SAMSN1: variants seen among roughly 807,000 people sequenced by gnomAD.
SAMSN1 encodes SAM domain, SH3 domain and nuclear localization signals 1.
In SAMSN1, 31 loss-of-function variants were observed where a neutral mutation model predicts 42.0. The observed-to-expected ratio is 0.74, with a 90% confidence interval of 0.55 to 1.00. SAMSN1 has a LOEUF of 1.00. Among genes scored for constraint, SAMSN1 ranks in the 50% least tolerant of loss-of-function variants. The pLI is 0.00. For missense variants in SAMSN1, 464 were observed against 439.4 expected (o/e 1.06, Z -0.50); for synonymous variants, 178 against 151.9 (o/e 1.17, Z -1.26).
intron 1 of SAMSN1, among the ~76,000 whole-genome samples, chr21:14,525,132 G>T (rs1978759738): frequency 6.6e-6 from 1 of 152,100 alleles, no homozygotes; most frequent in African/African-American, 2.4e-5. Flanking sequence ...TTACCATTTT[G>T]CAAACCCCTA....
At chr21:14,579,504 C>T (rs1392167712) in intron 2 of SAMSN1, among the ~76,000 whole-genome samples, 2 of 152,084 alleles carry the variant, frequency 1.3e-5, no homozygotes, top group Non-Finnish European at 2.9e-5. Context: ...GCTAGAAAAA[C>T]AAGAAGAAAT....
intron 2 of SAMSN1, among the ~76,000 whole-genome samples, chr21:14,626,284 C>G (rs953414801): frequency 2.0e-5 from 3 of 152,170 alleles, no homozygotes; most frequent in African/African-American, 4.8e-5. Context: ...CAACTGGGAT[C>G]TAATTAAACT....
At chr21:14,639,599 A>G (rs1419211551) in intron 2 of SAMSN1, among the ~76,000 whole-genome samples, 1 of 152,188 alleles carries the variant, frequency 6.6e-6, no homozygotes, top group Non-Finnish European at 1.5e-5. Context: ...TAGGAGAGAC[A>G]TCCAAACCAT....
At chr21:14,496,925 A>G (rs1986935726) in intron 7 of SAMSN1, among the ~76,000 whole-genome samples, 1 of 152,208 alleles carries the variant, frequency 6.6e-6, no homozygotes, top group African/African-American at 2.4e-5. Context: ...GCCAGTGTAT[A>G]GGAAACGTGT....
At chr21:14,610,087 C>A (rs1319354163) in intron 4 of SAMSN1, among the ~76,000 whole-genome samples, 1 of 152,130 alleles carries the variant, frequency 6.6e-6, no homozygotes, top group Non-Finnish European at 1.5e-5. Flanking sequence ...AGGATAACAG[C>A]AATTTTCTGG....
At chr21:14,607,151 G>A (rs962162882) in intron 5 of SAMSN1, among the ~76,000 whole-genome samples, 3 of 152,034 alleles carry the variant, frequency 2.0e-5, no homozygotes, top group Admixed American at 1.3e-4. Flanking sequence ...ATAAAATCAT[G>A]TGGGTTGTGG....
intron 6 of SAMSN1, among the ~76,000 whole-genome samples, chr21:14,601,486 G>A (rs2123299463): frequency 6.6e-6 from 1 of 152,312 alleles, no homozygotes; most frequent in African/African-American, 2.4e-5. Flanking sequence ...ATGGCTGTCA[G>A]AGAAAATATC....
chr21:14,540,256 C>T (rs937971370), intron 1 of SAMSN1, among the ~76,000 whole-genome samples: 2 of 152,066 alleles, frequency 1.3e-5, no homozygotes, highest in African/African-American at 4.8e-5. Context: ...TCTAAAACAC[C>T]AAAAGCAATG....
chr21:14,565,693 GTGACTGCGGA>G (rs781410321), intron 2 of SAMSN1, among the ~76,000 whole-genome samples: 305 of 152,276 alleles, frequency 2.0e-3, no homozygotes, highest in Non-Finnish European at 3.1e-3. Context: ...AGAGAGTAGT[GTGACTGCGGA>G]TGTCATCGAT....
At chr21:14,595,266 G>A (rs559714753) in intron 6 of SAMSN1, among the ~76,000 whole-genome samples, 16 of 152,166 alleles carry the variant, frequency 1.1e-4, no homozygotes, top group South Asian at 8.3e-4. Context: ...GGGCTTTTGC[G>A]GAAGTAACTA....
intron 1 of SAMSN1, among the ~76,000 whole-genome samples, chr21:14,530,853 G>T (rs1009246303): frequency 1.3e-4 from 20 of 152,178 alleles, no homozygotes; most frequent in Non-Finnish European, 2.1e-4. Flanking sequence ...TGTTATCTAG[G>T]TACCTTGATA....
intron 4 of SAMSN1, among the ~76,000 whole-genome samples, chr21:14,512,051 G>C: frequency 6.6e-6 from 1 of 152,132 alleles, no homozygotes; most frequent in East Asian, 1.9e-4. Flanking sequence ...GAGAAAGAAA[G>C]AGACAGAGAA....
At chr21:14,577,351 G>A (rs1426397432) in intron 2 of SAMSN1, among the ~76,000 whole-genome samples, 4 of 140,278 alleles carry the variant, frequency 2.9e-5, no homozygotes, top group Non-Finnish European at 4.6e-5. Context: ...CTGACCTCAT[G>A]ATCCGCCTGC....
At chr21:14,649,909 T>C in intron 1 of SAMSN1, among the ~76,000 whole-genome samples, 1 of 151,754 alleles carries the variant, frequency 6.6e-6, no homozygotes, top group East Asian at 1.9e-4. Context: ...TCAGATAAAA[T>C]AGATTTCAAC....
At chr21:14,610,782 C>A (rs138726472) in intron 4 of SAMSN1, among the ~76,000 whole-genome samples, 52 of 152,344 alleles carry the variant, frequency 3.4e-4, no homozygotes, top group Admixed American at 9.2e-4. Flanking sequence ...CCTTCATGGA[C>A]AACAACAGGT....
intron 6 of SAMSN1, 104 bp from the exon 7 acceptor site, chr21:14,498,696 G>A (rs1014530591): frequency 4.7e-6 from 4 of 845,620 alleles, no homozygotes; most frequent in Non-Finnish European, 6.9e-6. Context: ...GGGACCAAAG[G>A]TGCCAATAGA....
intron 1 of SAMSN1, among the ~76,000 whole-genome samples, chr21:14,649,370 A>T (rs1983785063): frequency 6.6e-6 from 1 of 152,046 alleles, no homozygotes; most frequent in Admixed American, 6.5e-5. Context: ...ACATGTATAC[A>T]TATGTAACTA....
At chr21:14,602,785 C>T (rs764725589) in intron 5 of SAMSN1, among the ~76,000 whole-genome samples, 9 of 152,132 alleles carry the variant, frequency 5.9e-5, no homozygotes, top group Non-Finnish European at 1.2e-4. Context: ...AGACCAGGGC[C>T]GTTTCCTTTC....
chr21:14,494,590 G>A (rs1986832862), intron 7 of SAMSN1, among the ~76,000 whole-genome samples: 1 of 151,908 alleles, frequency 6.6e-6, no homozygotes, highest in African/African-American at 2.4e-5. Flanking sequence ...ATAGCATTAG[G>A]AGAAATACCT....
Sources: allele counts gnomAD v4.1 joint callset (sites outside exome capture counted in the v4.1 genomes callset), GRCh38; gene constraint gnomAD v4.1.1; transcripts MANE v1.5; gene names NCBI Gene and HGNC (gene_info 2026-07-23, HGNC 2026-07-21).